The following PLEKHA6 variants were observed in gnomAD, a reference collection of about 807,000 sequenced individuals.
PLEKHA6 encodes the protein pleckstrin homology domain-containing family A member 6.
A neutral mutation model predicts 116.7 loss-of-function variants in PLEKHA6; 60 were observed. That is an observed-to-expected ratio of 0.51 (90% CI 0.42 to 0.64). The LOEUF (loss-of-function observed/expected upper bound fraction) is 0.64. PLEKHA6 is among the 30% of genes least tolerant of loss of function. The pLI is 0.00. For missense variants in PLEKHA6, 1,338 were observed against 1,422.7 expected, an observed-to-expected ratio of 0.94 and a Z score of 0.96; for synonymous variants, 489 against 556.1, an observed-to-expected ratio of 0.88 and a Z score of 1.70.
chr1:204,223,488 G>T lies in PLEKHA6; in HGVS notation c.3129C>A (p.Ser1043Arg). 5 of 1,545,796 alleles carry T rather than the reference G, an allele frequency of 3.2e-6. No individual in the cohort carries two copies. The highest frequency in any genetic ancestry group is 4.4e-6 in the Non-Finnish European group (5 of 1,141,666). The change falls in exon 22 of 23, where the codon AGC becomes AGA. Residue 1043 changes from serine (S) to arginine (R), a missense_variant. Coordinates refer to ENST00000272203, the MANE Select transcript of PLEKHA6 (RefSeq NM_014935.5). The surrounding 1 kb of genome is among the most constrained non-coding windows in gnomAD (Gnocchi z 4.8). Reference protein sequence around the residue: ...SSESPRGADSSYTMRV With the variant: ...SSESPRGADSRYTMRV The stretch of plus-strand genomic sequence containing the variant: ...TCAGAGCTCAGACCCGCATGGTATA[G>T]CTGCTGTCGGCGCCCCGTGGGGATT...
At chr1:204,252,768 T>C (rs1664736460) in intron 9 of PLEKHA6, among the ~76,000 whole-genome samples, 1 of 152,206 alleles carries the variant, frequency 6.6e-6, no homozygotes, top group South Asian at 2.1e-4. Context: ...CACCATCCCA[T>C]TTGCAGGGTC....
intron 14 of PLEKHA6, 136 bp from the exon 15 acceptor site, chr1:204,245,139 A>G (rs1571849075): frequency 1.7e-6 from 1 of 593,816 alleles, no homozygotes; most frequent in Non-Finnish European, 2.7e-6. Context: ...TCTCAGGGCT[A>G]CCTGGGCCTG....
intron 2 of PLEKHA6, among the ~76,000 whole-genome samples, chr1:204,370,015 A>G (rs952403456): frequency 6.6e-6 from 1 of 152,232 alleles, no homozygotes; most frequent in South Asian, 2.1e-4. Context: ...ATAAAGATGA[A>G]GAAGCTAAGT....
At chr1:204,293,717 T>C (rs1358105826) in intron 1 of PLEKHA6, among the ~76,000 whole-genome samples, 1 of 152,216 alleles carries the variant, frequency 6.6e-6, no homozygotes, top group Non-Finnish European at 1.5e-5. Context: ...TGGCACCCAT[T>C]TGGCAAAATG....
intron 1 of PLEKHA6, chr1:204,346,712 T>TC: frequency 2.7e-6 from 2 of 754,130 alleles, no homozygotes; most frequent in Non-Finnish European, 4.8e-6. Context: ...CCAGGGATGT[T>TC]CCTTGCTGAG....
rs960606257 is a variant in PLEKHA6 at position 204,219,106 on chromosome 1, T to C, written c.*3682A>G. 5 of 152,570 alleles carry C rather than the reference T, an allele frequency of 3.3e-5. No individual in the cohort carries two copies. The highest frequency in any genetic ancestry group is 1.3e-4 in the Admixed American group (2 of 15,282). 9.5% of individuals were successfully genotyped at this position (152,570 alleles called of 1,614,324 possible). A position where few individuals can be genotyped will look rare whatever the true frequency, so the allele number is the denominator to read the frequency against. ...CCATCTATCTAACCTTCACCCTTCT[T>C]CTAAGGCCACTTTTATGCTAAATAA... On this transcript the variant is annotated 3_prime_UTR_variant, in exon 23 of 23. Transcript: ENST00000272203.
At chr1:204,250,694 G>C (rs952005633) in intron 9 of PLEKHA6, 80 bp from the exon 10 acceptor site, 3 of 944,684 alleles carry the variant, frequency 3.2e-6, no homozygotes, top group Non-Finnish European at 5.2e-6. Context: ...TCACAATCCC[G>C]CTGTGCTCCT....
chr1:204,322,000 T>C (rs1572178289), intron 1 of PLEKHA6, among the ~76,000 whole-genome samples: 1 of 152,202 alleles, frequency 6.6e-6, no homozygotes, highest in Middle Eastern at 3.2e-3. Context: ...GAGAAGAAAC[T>C]AAAAACATAA....
intron 1 of PLEKHA6, among the ~76,000 whole-genome samples, chr1:204,353,204 GA>G (rs1272650065): frequency 6.6e-6 from 1 of 152,166 alleles, no homozygotes; most frequent in Non-Finnish European, 1.5e-5. Flanking sequence ...GGCTCTGCGT[GA>G]AACATCACAG....
intron 1 of PLEKHA6, among the ~76,000 whole-genome samples, chr1:204,331,199 CAAAAAAAAAAAA>C (rs5780231): frequency 1.3e-5 from 1 of 75,824 alleles, no homozygotes; most frequent in African/African-American, 5.2e-5. Context: ...GACTCTGTCT[CAAAAAAAAAAAA>C]AAAAAAAAAG....
rs1486061702 is a variant in PLEKHA6, at chr1:204,255,783, C to T, written c.1524+1570G>A. 1.3e-5 allele frequency: 9 copies of T among 676,560 alleles called. No homozygotes were observed. In the East Asian group the frequency reaches 2.4e-4, roughly 18 times the overall value. 41.9% of individuals were successfully genotyped at this position (676,560 alleles called of 1,614,324 possible). A position where few individuals can be genotyped will look rare whatever the true frequency, so the allele number is the denominator to read the frequency against. On this transcript the variant is annotated intron_variant, in intron 9 of 22. Transcript: ENST00000272203. ...AAGCAAAGCAGTTAAGAGTTAGCGACAAGGACAAGGAGAGGCTTCTCCCTC... is the reference window on the plus strand; with the variant it reads ...AAGCAAAGCAGTTAAGAGTTAGCGATAAGGACAAGGAGAGGCTTCTCCCTC...
chr1:204,257,562 C>T lies in PLEKHA6; in HGVS notation c.1315G>A (p.Ala439Thr), dbSNP rs1335441805. The T allele has an allele frequency of 6.2e-7, 1 of 1,601,894 alleles. No individual in the cohort carries two copies. The highest frequency in any genetic ancestry group is 8.5e-7 in the Non-Finnish European group (1 of 1,173,732). Reference protein sequence around the residue: ...RQPVYYDELDAASSSLRRLSL... With the variant: ...RQPVYYDELDTASSSLRRLSL... The stretch of plus-strand genomic sequence containing the variant: ...AGGCGGCGCAGGGAGCTAGAGGCGG[C>T]ATCCAGCTCATCATAATAGACTGGC... The change falls in exon 9 of 23, where the codon GCC becomes ACC. Residue 439 changes from alanine to threonine, a missense_variant. Transcript: ENST00000272203. This position sits in a 1 kb window ranked among gnomAD's most constrained non-coding sequence, Gnocchi z 6.5.
chr1:204,294,871 A>G (rs1057430749), intron 1 of PLEKHA6, among the ~76,000 whole-genome samples: 1 of 152,258 alleles, frequency 6.6e-6, no homozygotes, highest in Non-Finnish European at 1.5e-5. Flanking sequence ...ATAAATGCTA[A>G]TAATCATTAT....
At chr1:204,239,009 T>C (rs1368607907) in intron 17 of PLEKHA6, among the ~76,000 whole-genome samples, 1 of 152,176 alleles carries the variant, frequency 6.6e-6, no homozygotes, top group East Asian at 1.9e-4. Context: ...ACTGGAAAAT[T>C]GGTGACAAAG....
At chr1:204,323,174 A>T (rs1672125411) in intron 1 of PLEKHA6, among the ~76,000 whole-genome samples, 1 of 152,224 alleles carries the variant, frequency 6.6e-6, no homozygotes, top group African/African-American at 2.4e-5. Flanking sequence ...GCCCTCCGGG[A>T]GCTTGCACTC....
chr1:204,375,147 G>A (rs1187475133), intron 1 of PLEKHA6, among the ~76,000 whole-genome samples: 1 of 152,010 alleles, frequency 6.6e-6, no homozygotes, highest in Non-Finnish European at 1.5e-5. Flanking sequence ...CACTGGTGCT[G>A]CCTGGGGTAT....
At chr1:204,355,798 C>A (rs1431441356) in intron 1 of PLEKHA6, among the ~76,000 whole-genome samples, 1 of 152,144 alleles carries the variant, frequency 6.6e-6, no homozygotes, top group East Asian at 1.9e-4. Context: ...AAGACTCGAA[C>A]ACACAAATAT....
intron 6 of PLEKHA6, among the ~76,000 whole-genome samples, chr1:204,262,913 T>C (rs554534632): frequency 7.2e-5 from 11 of 151,922 alleles, no homozygotes; most frequent in African/African-American, 2.7e-4. Context: ...GCAAGCCTTC[T>C]AGGTGGAGAA....
At chr1:204,307,931 A>G (rs1671455689) in intron 1 of PLEKHA6, 10 of 975,302 alleles carry the variant, frequency 1.0e-5, no homozygotes, top group Non-Finnish European at 1.2e-5. Flanking sequence ...TTAAGAGCAG[A>G]GATTTTGAGA....
Sources: gnomAD v4.1 joint callset for allele counts (sites outside exome capture counted in the v4.1 genomes callset) on GRCh38, gnomAD v4.1.1 for gene constraint, Gnocchi (gnomAD v3.1) non-coding constraint, MANE v1.5 for transcripts, NCBI Gene and HGNC (gene_info 2026-07-23, HGNC 2026-07-21) for gene names.